The following SH3BGRL2 variants were observed in gnomAD, a reference collection of about 807,000 sequenced individuals.
SH3BGRL2 encodes SH3 domain-binding glutamic acid-rich-like protein 2.
Under a neutral mutation model 14.8 loss-of-function variants are expected in SH3BGRL2, and 21 were observed. The ratio of observed to expected loss-of-function variants is 1.42; its 90% CI spans 1.01 to 2.05. The LOEUF (loss-of-function observed/expected upper bound fraction) is 2.05, where lower values mean the gene tolerates loss of function less well. Ranked by LOEUF, SH3BGRL2 falls within the 30% of genes most tolerant of loss-of-function variation. The pLI, the probability that SH3BGRL2 is intolerant of heterozygous loss-of-function variation, is 0.00. For missense variants in SH3BGRL2, 147 were observed against 130.8 expected (o/e 1.12, Z -0.61); for synonymous variants, 50 against 47.8 (o/e 1.05, Z -0.19).
At chr6:79,625,337 C>T in the SH3BGRL2 span, among the ~76,000 whole-genome samples, 1 of 151,790 alleles carries the variant, frequency 6.6e-6, no homozygotes, top group Non-Finnish European at 1.5e-5. Flanking sequence ...AGTATGGTTT[C>T]TGTTAATTAA....
the SH3BGRL2 span, among the ~76,000 whole-genome samples, chr6:79,538,954 G>C: frequency 6.6e-6 from 1 of 152,202 alleles, no homozygotes; most frequent in Non-Finnish European, 1.5e-5. Context: ...GCCTAGGTCT[G>C]CTTCCAAATT....
At chr6:79,574,561 A>G in the SH3BGRL2 span, 1 of 152,168 alleles carries the variant, frequency 6.6e-6, no homozygotes, top group African/African-American at 2.4e-5. Context: ...CTATTCTAAA[A>G]TCTAGTGGTC....
chr6:79,688,372 AT>A (rs1429987305), intron 2 of SH3BGRL2, among the ~76,000 whole-genome samples: 1 of 152,088 alleles, frequency 6.6e-6, no homozygotes, highest in Non-Finnish European at 1.5e-5. Context: ...AACAAAGTGA[AT>A]TTTTTGTCCT....
the SH3BGRL2 span, among the ~76,000 whole-genome samples, chr6:79,586,232 C>CTTGTTTTTT: frequency 1.4e-5 from 1 of 71,590 alleles, no homozygotes; most frequent in Non-Finnish European, 2.6e-5. Context: ...TATGTATGGA[C>CTTGTTTTTT]TTCTTTTTTT....
the SH3BGRL2 span, among the ~76,000 whole-genome samples, chr6:79,617,259 T>C: frequency 6.6e-6 from 1 of 152,140 alleles, no homozygotes; most frequent in Non-Finnish European, 1.5e-5. Flanking sequence ...TTATTAACAT[T>C]TTATCATATT....
chr6:79,579,447 T>C, the SH3BGRL2 span, among the ~76,000 whole-genome samples: 1 of 152,168 alleles, frequency 6.6e-6, no homozygotes, highest in Non-Finnish European at 1.5e-5. Flanking sequence ...TAGCAGTGGA[T>C]TTCTCAGCAG....
At chr6:79,646,931 AT>A (rs1386556913) in intron 1 of SH3BGRL2, among the ~76,000 whole-genome samples, 1 of 152,226 alleles carries the variant, frequency 6.6e-6, no homozygotes, top group East Asian at 1.9e-4. Flanking sequence ...TTGTTTATCC[AT>A]TTATCAGTTG....
the SH3BGRL2 span, among the ~76,000 whole-genome samples, chr6:79,580,656 A>G: frequency 7.2e-5 from 11 of 152,352 alleles, no homozygotes; most frequent in African/African-American, 2.6e-4. Context: ...TGTAGAGGGA[A>G]ATTTATAGCA....
At chr6:79,552,823 G>T in the SH3BGRL2 span, 11 of 152,126 alleles carry the variant, frequency 7.2e-5, no homozygotes, top group Non-Finnish European at 1.5e-4. Flanking sequence ...TCAAAATAGG[G>T]GCTCTGCATA....
chr6:79,672,544 T>G (rs1422557612), intron 1 of SH3BGRL2, among the ~76,000 whole-genome samples: 2 of 152,222 alleles, frequency 1.3e-5, no homozygotes, highest in African/African-American at 2.4e-5. Context: ...GTTTTTTTTC[T>G]TTTTAAGCTG....
the SH3BGRL2 span, among the ~76,000 whole-genome samples, chr6:79,589,171 C>T: frequency 6.7e-6 from 1 of 148,226 alleles, no homozygotes; most frequent in African/African-American, 2.5e-5. Flanking sequence ...TGTACATGTT[C>T]AGTACAGGTG....
the SH3BGRL2 span, chr6:79,575,036 G>A: frequency 3.3e-5 from 5 of 152,174 alleles, no homozygotes; most frequent in African/African-American, 1.2e-4. Context: ...GTCCCTGAAG[G>A]AGTATGATGT....
At chr6:79,649,048 G>A (rs1342714013) in intron 1 of SH3BGRL2, among the ~76,000 whole-genome samples, 6 of 152,202 alleles carry the variant, frequency 3.9e-5, no homozygotes, top group Non-Finnish European at 5.9e-5. Flanking sequence ...GGGCCACCCT[G>A]TAGGACCACC....
chr6:79,545,356 A>G, the SH3BGRL2 span, among the ~76,000 whole-genome samples: 2 of 152,306 alleles, frequency 1.3e-5, no homozygotes, highest in Non-Finnish European at 2.9e-5. Context: ...TTGAACTTTA[A>G]TCCAGTCAAA....
chr6:79,632,294 G>A (rs551520840), intron 1 of SH3BGRL2, among the ~76,000 whole-genome samples: 10 of 152,114 alleles, frequency 6.6e-5, no homozygotes, highest in Admixed American at 5.9e-4. Context: ...AAGTTAAATA[G>A]CTAGAGATGT....
At chr6:79,673,082 G>A (rs1769804178) in intron 1 of SH3BGRL2, among the ~76,000 whole-genome samples, 1 of 136,606 alleles carries the variant, frequency 7.3e-6, no homozygotes, top group Non-Finnish European at 1.6e-5. Flanking sequence ...TCTATACGTG[G>A]TTTTCAGATG....
intron 2 of SH3BGRL2, among the ~76,000 whole-genome samples, chr6:79,674,096 A>G (rs28513952): frequency 6.6e-6 from 1 of 151,862 alleles, no homozygotes; most frequent in South Asian, 2.1e-4. Flanking sequence ...GTATGTGTGT[A>G]TGTATGTATG....
rs144757673 is a variant in SH3BGRL2, at chr6:79,681,912, G to A, written c.231+8113G>A. Among the ~76,000 whole-genome samples the A allele has an allele frequency of 6.4e-3, 968 of 151,422 alleles. 11 individuals carry two copies. The highest frequency in any genetic ancestry group is 0.021 in the African/African-American group (872 of 41,248). ...CGTTGCAGTGAGCAGAGATCGCCCCGCTGCACTCCAGCCTGGGGGACAGAG... is the reference window on the plus strand; with the variant it reads ...CGTTGCAGTGAGCAGAGATCGCCCCACTGCACTCCAGCCTGGGGGACAGAG... On this transcript the variant is annotated intron_variant, in intron 2 of 3. Coordinates refer to ENST00000369838, the MANE Select transcript of SH3BGRL2 (RefSeq NM_031469.4).
intron 2 of SH3BGRL2, among the ~76,000 whole-genome samples, chr6:79,688,081 G>T (rs1398404664): frequency 6.6e-6 from 1 of 152,078 alleles, no homozygotes; most frequent in Non-Finnish European, 1.5e-5. Context: ...AGTAAGCCTT[G>T]TGGAGGAATG....
Sources: allele counts gnomAD v4.1 joint callset (sites outside exome capture counted in the v4.1 genomes callset), GRCh38; gene constraint gnomAD v4.1.1; transcripts MANE v1.5; gene names NCBI Gene and HGNC (gene_info 2026-07-23, HGNC 2026-07-21).